The following TOGARAM1 variants were observed in gnomAD, a reference collection of about 807,000 sequenced individuals.
TOGARAM1 encodes the protein TOG array regulator of axonemal microtubules 1.
Under a neutral mutation model 166.6 loss-of-function variants are expected in TOGARAM1, and 100 were observed. That is an observed-to-expected ratio of 0.60 (90% CI 0.51 to 0.71). The LOEUF is 0.71. TOGARAM1 is among the 30% of genes least tolerant of loss of function. The pLI, the probability that TOGARAM1 is intolerant of heterozygous loss-of-function variation, is 0.00. For synonymous variants in TOGARAM1, 758 were observed against 763.8 expected, an observed-to-expected ratio of 0.99 and a Z score of 0.13; for missense variants, 2,029 against 2,102.7, an observed-to-expected ratio of 0.96 and a Z score of 0.69.
chr14:45,044,617 T>C lies in TOGARAM1; in HGVS notation c.3919-18T>C. On this transcript the variant is annotated intron_variant, in intron 12 of 19. Transcript: ENST00000361462. ...TTGCAGAATATCAGCAAAATGTACATTTTGAATTTTTTTTTAGGTGAAAAA... is the reference window on the plus strand; with the variant it reads ...TTGCAGAATATCAGCAAAATGTACACTTTGAATTTTTTTTTAGGTGAAAAA... The C allele has an allele frequency of 6.5e-7, 1 of 1,548,658 alleles. No homozygotes were observed. The highest frequency in any genetic ancestry group is 2.3e-5 in the East Asian group (1 of 44,252).
chr14:45,002,706 G>A (rs10140661), intron 3 of TOGARAM1, among the ~76,000 whole-genome samples: 7,072 of 152,130 alleles, frequency 0.046, 534 homozygotes, highest in African/African-American at 0.16. Flanking sequence ...GGCTGTGTGC[G>A]GTGGCTCACG....
At chr14:44,980,168 G>T (rs1356014895) in intron 1 of TOGARAM1, among the ~76,000 whole-genome samples, 1 of 152,132 alleles carries the variant, frequency 6.6e-6, no homozygotes, top group Non-Finnish European at 1.5e-5. Flanking sequence ...GGCCTGATTT[G>T]TACTGGCTCT....
chr14:44,963,425 T>G lies in TOGARAM1; in HGVS notation c.1004T>G (p.Leu335Arg), dbSNP rs202187853. The G allele has an allele frequency of 1.9e-6, 3 of 1,614,202 alleles. No homozygotes were observed. In the East Asian group the frequency reaches 6.7e-5, roughly 36 times the overall value. The change falls in exon 1 of 20, where the codon CTT becomes CGT. Residue 335 changes from leucine to arginine, a missense_variant. Around this residue, in one of 2 missense-constraint regions of TOGARAM1, gnomAD observed 1,453 missense variants for 1,432.2 expected, o/e 1.01. Transcript: ENST00000361462. ...LEASGFPEDP[L>R]PCAVTLSNSN... is the part of the protein sequence containing the mutation. Reference sequence around the variant, plus strand: ...GCCTCTGGATTTCCTGAAGATCCCCTTCCCTGTGCAGTGACTCTTTCCAAC... The same window carrying G: ...GCCTCTGGATTTCCTGAAGATCCCCGTCCCTGTGCAGTGACTCTTTCCAAC...
intron 1 of TOGARAM1, among the ~76,000 whole-genome samples, chr14:44,965,682 A>G (rs1269266137): frequency 6.6e-6 from 1 of 152,046 alleles, no homozygotes; most frequent in African/African-American, 2.4e-5. Flanking sequence ...TACTGTTTGG[A>G]TAAGGTGGTA....
intron 1 of TOGARAM1, among the ~76,000 whole-genome samples, chr14:44,992,554 A>G (rs1057440128): frequency 1.3e-5 from 2 of 152,032 alleles, no homozygotes; most frequent in African/African-American, 4.8e-5. Context: ...CTCCCTGCCA[A>G]AAGCTGCAAT....
intron 6 of TOGARAM1, among the ~76,000 whole-genome samples, chr14:45,011,290 T>C (rs554358380): frequency 1.2e-4 from 19 of 152,256 alleles, no homozygotes; most frequent in African/African-American, 4.6e-4. Context: ...AGTTAGATAA[T>C]TAAGAATGAT....
chr14:45,016,781 GA>G (rs901447017), intron 7 of TOGARAM1, among the ~76,000 whole-genome samples: 1 of 152,094 alleles, frequency 6.6e-6, no homozygotes, highest in Non-Finnish European at 1.5e-5. Context: ...CAAGGAAAGG[GA>G]AAAGTATTAA....
At chr14:44,984,215 C>T (rs1361035520) in intron 1 of TOGARAM1, among the ~76,000 whole-genome samples, 1 of 151,764 alleles carries the variant, frequency 6.6e-6, no homozygotes, top group East Asian at 1.9e-4. Flanking sequence ...TGAGAATATC[C>T]ATATCTTTTA....
At position 44,964,025 on chromosome 14, in the gene TOGARAM1, C is replaced by T; in HGVS notation, c.1604C>T (p.Ala535Val). ...CGCCAAGCAGCTTTAGAAGCTTTTG[C>T]CGTATTGGCATCATCAATGGGCTCA... ...RVRQAALEAF[A>V]VLASSMGSGK... Residue 535 changes from alanine to valine, a missense_variant, in exon 1 of 20, where the codon GCC becomes GTC. By Grantham distance (64) the Ala-to-Val change is moderately conservative. Coordinates refer to ENST00000361462, the MANE Select transcript of TOGARAM1 (RefSeq NM_001308120.2). 1.2e-6 allele frequency: 2 copies of T among 1,614,138 alleles called. No homozygotes were observed. Among genetic ancestry groups the T allele is most frequent in the Non-Finnish European group, 1.7e-6 (2 of 1,180,008 alleles).
chr14:45,064,065 T>G (rs1021926628), intron 16 of TOGARAM1, among the ~76,000 whole-genome samples: 3 of 152,136 alleles, frequency 2.0e-5, no homozygotes, highest in African/African-American at 7.2e-5. Context: ...CTTAGTAATT[T>G]TCTATCCACT....
intron 16 of TOGARAM1, among the ~76,000 whole-genome samples, chr14:45,056,706 G>T (rs1336735413): frequency 6.6e-6 from 1 of 151,994 alleles, no homozygotes; most frequent in African/African-American, 2.4e-5. Flanking sequence ...TGCATCCCTG[G>T]TATAAAACCC....
chr14:44,962,269 C>G lies in TOGARAM1; in HGVS notation c.-153C>G. ...GGGGCCATTTTGCCAGAGGCTGCCT[C>G]CCGGAGTTGGGGGCGGCCTGGCGGC... is the stretch of plus-strand genomic sequence containing the variant. On this transcript the variant is annotated 5_prime_UTR_variant, in exon 1 of 20. Coordinates refer to ENST00000361462, the MANE Select transcript of TOGARAM1 (RefSeq NM_001308120.2). 1 of 952,594 alleles carries G rather than the reference C, an allele frequency of 1.0e-6. No individual in the cohort carries two copies. Among genetic ancestry groups the G allele is most frequent in the Non-Finnish European group, 1.5e-6 (1 of 683,104 alleles). 59.0% of individuals were successfully genotyped at this position (952,594 alleles called of 1,614,324 possible). A position where few individuals can be genotyped will look rare whatever the true frequency, so the allele number is the denominator to read the frequency against.
chr14:45,047,698 A>G (rs1882144116), intron 14 of TOGARAM1, among the ~76,000 whole-genome samples: 1 of 152,086 alleles, frequency 6.6e-6, no homozygotes, highest in South Asian at 2.1e-4. Flanking sequence ...TTCCTTGTCT[A>G]TAAAATTAGG....
rs2138973866 is a variant in TOGARAM1, at chr14:45,052,690, T to C, written c.4440+128T>C. On this transcript the variant is annotated intron_variant, in intron 15 of 19. Coordinates refer to ENST00000361462, the MANE Select transcript of TOGARAM1 (RefSeq NM_001308120.2). ...TAATCATTTGGACTATTGGACTATA[T>C]CTGCAATAGCATTTCAACAATTACA... 1.9e-5 allele frequency: 15 copies of C among 793,528 alleles called. No individual in the cohort carries two copies. The East Asian group carries it at 4.1e-4, about 22-fold the overall frequency. The allele number at this position is 793,528 out of a possible 1,614,324, so 49.2% of individuals were successfully genotyped here. A position where few individuals can be genotyped will look rare whatever the true frequency, so the allele number is the denominator to read the frequency against.
At chr14:44,974,974 T>C (rs1332604990) in intron 1 of TOGARAM1, among the ~76,000 whole-genome samples, 1 of 152,152 alleles carries the variant, frequency 6.6e-6, no homozygotes, top group Non-Finnish European at 1.5e-5. Context: ...AAGTGTTCTG[T>C]AGTGCTTTAA....
At chr14:45,025,706 A>G (rs945674396) in intron 7 of TOGARAM1, 77 bp from the exon 8 acceptor site, 14 of 754,346 alleles carry the variant, frequency 1.9e-5, no homozygotes, top group South Asian at 1.5e-4. Context: ...TTAAAAGACT[A>G]TGTTACAATA....
intron 1 of TOGARAM1, among the ~76,000 whole-genome samples, chr14:44,990,952 G>GTTTT (rs1887090583): frequency 9.3e-6 from 1 of 107,892 alleles, no homozygotes; most frequent in Non-Finnish European, 1.7e-5. Flanking sequence ...CCCAGCTGAG[G>GTTTT]CTTTTTTTTT....
chr14:45,065,224 T>C (rs1349523158), intron 16 of TOGARAM1, among the ~76,000 whole-genome samples: 1 of 152,116 alleles, frequency 6.6e-6, no homozygotes, highest in African/African-American at 2.4e-5. Flanking sequence ...CTAAAATAGA[T>C]AGACAGATTG....
chr14:45,045,640 T>C (rs12894454), intron 13 of TOGARAM1, among the ~76,000 whole-genome samples: 2 of 113,986 alleles, frequency 1.8e-5, no homozygotes, highest in African/African-American at 6.3e-5. Flanking sequence ...TATATATACA[T>C]ATATATACAT....
Sources: gnomAD v4.1 joint callset for allele counts (sites outside exome capture counted in the v4.1 genomes callset) on GRCh38, gnomAD v4.1.1 for gene constraint, gnomAD v4.1.1 regional missense constraint, MANE v1.5 for transcripts, NCBI Gene and HGNC (gene_info 2026-07-23, HGNC 2026-07-21) for gene names.